TNRC6B: variants seen among roughly 807,000 people sequenced by gnomAD.
The protein encoded by TNRC6B is trinucleotide repeat-containing gene 6B protein.
TNRC6B carries 52 observed loss-of-function variants against 203.6 expected under a neutral mutation model. The ratio of observed to expected loss-of-function variants is 0.26; its 90% CI spans 0.20 to 0.32. The LOEUF is 0.32. TNRC6B is among the 10% of genes least tolerant of loss of function. The probability of loss-of-function intolerance (pLI) is 1.00; values close to 1 mark genes in which losing one functional copy is unlikely to be tolerated. For synonymous variants in TNRC6B, 838 were observed against 845.7 expected, an observed-to-expected ratio of 0.99 and a Z score of 0.16; for missense variants, 1,923 against 2,286.2, an observed-to-expected ratio of 0.84 and a Z score of 3.24.
chr22:40,218,481 A>G (rs935186520), intron 1 of TNRC6B, among the ~76,000 whole-genome samples: 1 of 151,790 alleles, frequency 6.6e-6, no homozygotes, highest in Non-Finnish European at 1.5e-5. Flanking sequence ...CATGCTCCCC[A>G]ATGCCTGGCT....
In TNRC6B at chr22:40,328,341, A is replaced by G. The variant is rs1396330077; in HGVS notation, c.*5100A>G. 6.6e-6 allele frequency: 1 copy of G among 152,206 alleles called. No individual in the cohort carries two copies. The highest frequency in any genetic ancestry group is 1.5e-5 in the Non-Finnish European group (1 of 68,034). The allele number at this position is 152,206 out of a possible 1,614,324, so 9.4% of individuals were successfully genotyped here. A position where few individuals can be genotyped will look rare whatever the true frequency, so the allele number is the denominator to read the frequency against. ...ACCTCTTCTGACATGAATGTAGCAT[A>G]AGTTAGCAATCGGTTCTTCCAAACT... On this transcript the variant is annotated 3_prime_UTR_variant, in exon 23 of 23. Coordinates refer to ENST00000454349, the MANE Select transcript of TNRC6B (RefSeq NM_001162501.2).
At position 40,120,684 on chromosome 22, in the gene TNRC6B, C is replaced by G. The variant is rs144111214; in HGVS notation, c.-47+3556C>G. Reference sequence around the variant, plus strand: ...CAAAGGGTATCCAATAAGTAATATTCTCTTCCCTGCTCAAGTTCTGAACCA... The same window carrying G: ...CAAAGGGTATCCAATAAGTAATATTGTCTTCCCTGCTCAAGTTCTGAACCA... On this transcript the variant is annotated intron_variant, in intron 2 of 23. Coordinates refer to the TNRC6B transcript ENST00000301923. Among the ~76,000 whole-genome samples the G allele has an allele frequency of 5.2e-3, 794 of 152,276 alleles. 1 individual carries two copies. The highest frequency in any genetic ancestry group is 8.3e-3 in the Non-Finnish European group (566 of 68,032).
At chr22:40,151,055 G>A (rs540554931) in intron 3 of TNRC6B, among the ~76,000 whole-genome samples, 1 of 152,180 alleles carries the variant, frequency 6.6e-6, no homozygotes, top group Non-Finnish European at 1.5e-5. Context: ...ATGAAAGATG[G>A]TGACCAAAGA....
In TNRC6B at chr22:40,329,832, T is replaced by G. The variant is rs1235906618; in HGVS notation, c.*6591T>G. 1.3e-5 allele frequency: 2 copies of G among 152,252 alleles called. No individual in the cohort carries two copies. The highest frequency in any genetic ancestry group is 2.9e-5 in the Non-Finnish European group (2 of 68,046). The allele number at this position is 152,252 out of a possible 1,614,324, so 9.4% of individuals were successfully genotyped here. A position where few individuals can be genotyped will look rare whatever the true frequency, so the allele number is the denominator to read the frequency against. On this transcript the variant is annotated 3_prime_UTR_variant, in exon 23 of 23. Transcript: ENST00000454349. ...GAAAGTTGCAGTAACTGCCAGTGTT[T>G]GCCTCACCAAATTTAAATCGTTCCC... is the stretch of plus-strand genomic sequence containing the variant.
chr22:40,292,858 G>A (rs533821875), intron 12 of TNRC6B, among the ~76,000 whole-genome samples: 6 of 152,312 alleles, frequency 3.9e-5, no homozygotes, highest in South Asian at 4.2e-4. Flanking sequence ...TGGAACATAC[G>A]AGCTGGTGGC....
At chr22:40,179,407 C>T (rs896421936) in intron 1 of TNRC6B, among the ~76,000 whole-genome samples, 2 of 152,086 alleles carry the variant, frequency 1.3e-5, no homozygotes, top group African/African-American at 4.8e-5. Flanking sequence ...TTTCTTTTCT[C>T]TTTTTTTCCT....
intron 13 of TNRC6B, 43 bp downstream of exon 13, chr22:40,300,629 C>CTTTT: frequency 7.7e-7 from 1 of 1,296,242 alleles, no homozygotes. Context: ...AGGTCATTTG[C>CTTTT]TTTTTTTTTT....
In TNRC6B at chr22:40,243,650, T is replaced by G. The variant is rs149644573; in HGVS notation, c.6-2365T>G. Among the ~76,000 whole-genome samples, 428 of 152,322 alleles carry G rather than the reference T, an allele frequency of 2.8e-3. 2 individuals are homozygous for G. Among genetic ancestry groups the G allele is most frequent in the Non-Finnish European group, 4.9e-3 (336 of 68,032 alleles). On this transcript the variant is annotated intron_variant, in intron 1 of 22. Coordinates refer to ENST00000454349, the MANE Select transcript of TNRC6B (RefSeq NM_001162501.2). ...CCCAGGCTGGAGTACAATGGTGTGA[T>G]CTTGGTTGACTACAACCTCCGCCTC... is the stretch of plus-strand genomic sequence containing the variant.
intron 20 of TNRC6B, 80 bp from the exon 21 acceptor site, chr22:40,315,857 GAGCTA>G: frequency 4.0e-6 from 4 of 1,010,018 alleles, no homozygotes; most frequent in Non-Finnish European, 6.0e-6. Context: ...GAAGAAATGT[GAGCTA>G]CATGAAAATC....
chr22:40,309,679 A>G (rs897653989), intron 16 of TNRC6B, among the ~76,000 whole-genome samples: 3 of 152,236 alleles, frequency 2.0e-5, no homozygotes, highest in Admixed American at 1.3e-4. Flanking sequence ...GGTGCATGAT[A>G]ATAAATCTGA....
At chr22:40,078,113 C>T (rs1346947130) in intron 1 of TNRC6B, among the ~76,000 whole-genome samples, 1 of 152,202 alleles carries the variant, frequency 6.6e-6, no homozygotes, top group East Asian at 1.9e-4. Context: ...TAAAGATACA[C>T]ATTGTCAAGC....
At chr22:40,118,854 G>A (rs911262575) in intron 2 of TNRC6B, among the ~76,000 whole-genome samples, 1 of 152,216 alleles carries the variant, frequency 6.6e-6, no homozygotes, top group Non-Finnish European at 1.5e-5. Flanking sequence ...GCCTAGAGAT[G>A]GATCAGGAAA....
Position 40,261,882 on chromosome 22 carries a change from A to G in TNRC6B, c.166A>G (p.Ile56Val), listed in dbSNP as rs577487172. ...AAGCCAACCAACGGCCGCCAGCCCA[A>G]TTGGCAGCTCTCCATCGCCACCAGT... ...SLSQPTAASP[I>V]GSSPSPPVNG... The change falls in exon 4 of 23, where the codon ATT (isoleucine) becomes GTT (valine). Residue 56 changes from isoleucine (I) to valine (V), a missense_variant. This residue lies in a region of TNRC6B where 111 missense variants were observed against 155.3 expected (regional missense o/e 0.71). Coordinates refer to ENST00000454349, the MANE Select transcript of TNRC6B (RefSeq NM_001162501.2). 6.2e-5 allele frequency: 98 copies of G among 1,592,010 alleles called. No homozygotes were observed. In the South Asian group the frequency reaches 9.7e-4, roughly 16 times the overall value.
chr22:40,267,161 G>A, intron 5 of TNRC6B, 125 bp downstream of exon 5: 1 of 989,880 alleles, frequency 1.0e-6, no homozygotes, highest in Middle Eastern at 3.4e-4. Flanking sequence ...TTTCTACTCT[G>A]TTGCTAACAG....
Position 40,055,223 on chromosome 22 carries a change from T to C in TNRC6B, c.-121+10225T>C, listed in dbSNP as rs117870198. ...CAGATGTGGACACAGATGAGTGCCATTTAGTGTAATAAGTGCTGTAATAGA... is the reference window on the plus strand; with the variant it reads ...CAGATGTGGACACAGATGAGTGCCACTTAGTGTAATAAGTGCTGTAATAGA... On this transcript the variant is annotated intron_variant, in intron 1 of 23. Coordinates refer to the TNRC6B transcript ENST00000301923. Among the ~76,000 whole-genome samples, 748 of 152,200 alleles carry C rather than the reference T, an allele frequency of 4.9e-3. 1 individual carries two copies. The highest frequency in any genetic ancestry group is 7.8e-3 in the Non-Finnish European group (531 of 68,008).
At chr22:40,318,217 A>T (rs931279996) in intron 21 of TNRC6B, among the ~76,000 whole-genome samples, 26 of 152,226 alleles carry the variant, frequency 1.7e-4, no homozygotes, top group Admixed American at 1.4e-3. Flanking sequence ...AGTGTGGGTC[A>T]GCTCTTAATC....
At chr22:40,107,201 C>G (rs2068292721) in intron 1 of TNRC6B, 1 of 494,606 alleles carries the variant, frequency 2.0e-6, no homozygotes, top group Non-Finnish European at 3.6e-6. Context: ...TACCCCTAGG[C>G]TATGAAGCAT....
intron 1 of TNRC6B, among the ~76,000 whole-genome samples, chr22:40,183,369 G>A (rs879469150): frequency 6.6e-5 from 10 of 152,130 alleles, no homozygotes; most frequent in Middle Eastern, 3.2e-3. Context: ...TACAGTGATT[G>A]CACAGAGCTT....
chr22:40,317,470 C>G (rs573227300), intron 21 of TNRC6B, among the ~76,000 whole-genome samples: 8 of 152,190 alleles, frequency 5.3e-5, no homozygotes, highest in African/African-American at 1.7e-4. Context: ...CCCAGCTACT[C>G]GGGAGGCTGA....
Sources: allele counts gnomAD v4.1 joint callset (sites outside exome capture counted in the v4.1 genomes callset), GRCh38; gene constraint gnomAD v4.1.1; regional missense constraint gnomAD v4.1.1; transcripts MANE v1.5; gene names NCBI Gene and HGNC (gene_info 2026-07-23, HGNC 2026-07-21).